NEBL: variants seen among roughly 807,000 people sequenced by gnomAD.
NEBL encodes the protein nebulette, also known as LIM and SH3 protein 2.
In NEBL, 122 loss-of-function variants were observed where a neutral mutation model predicts 140.2. That is an observed-to-expected ratio of 0.87 (90% CI 0.75 to 1.01). The LOEUF is 1.01. Among genes scored for constraint, NEBL ranks in the 50% least tolerant of loss-of-function variants. The probability of loss-of-function intolerance (pLI) is 0.00; values close to 1 mark genes in which losing one functional copy is unlikely to be tolerated. For synonymous variants in NEBL, 436 were observed against 398.9 expected (o/e 1.09, Z -1.11); for missense variants, 1,365 against 1,231.3 (o/e 1.11, Z -1.62).
intron 5 of NEBL, among the ~76,000 whole-genome samples, chr10:20,878,964 A>T (rs1428521367): frequency 6.6e-6 from 1 of 152,090 alleles, no homozygotes; most frequent in African/African-American, 2.4e-5. Flanking sequence ...CCTCCCGGGG[A>T]TCCGTGTAAC....
At chr10:20,953,998 T>A (rs1589069050) in intron 4 of NEBL, among the ~76,000 whole-genome samples, 2 of 133,694 alleles carry the variant, frequency 1.5e-5, no homozygotes, top group Non-Finnish European at 1.6e-5. Context: ...GACTGAAAAG[T>A]GGATGGGATG....
intron 1 of NEBL, among the ~76,000 whole-genome samples, chr10:21,278,791 A>G (rs1194515352): frequency 2.0e-5 from 3 of 152,104 alleles, no homozygotes; most frequent in Admixed American, 1.3e-4. Context: ...TCTGCCCCTG[A>G]GTTACATAGC....
At chr10:20,833,085 G>A (rs1227146197) in intron 14 of NEBL, among the ~76,000 whole-genome samples, 1 of 152,168 alleles carries the variant, frequency 6.6e-6, no homozygotes, top group Non-Finnish European at 1.5e-5. Context: ...ATGTAAATGT[G>A]TTCTAAAGCA....
intron 2 of NEBL, among the ~76,000 whole-genome samples, chr10:21,120,617 T>G (rs145727703): frequency 7.1e-4 from 102 of 142,822 alleles, no homozygotes; most frequent in African/African-American, 2.6e-3. Flanking sequence ...ATACCGGTTC[T>G]CTCTCCCATC....
At chr10:21,068,329 T>C (rs954917739) in intron 2 of NEBL, among the ~76,000 whole-genome samples, 2 of 152,216 alleles carry the variant, frequency 1.3e-5, no homozygotes, top group African/African-American at 2.4e-5. Context: ...ATCAACTTGA[T>C]TTCCCCTTTG....
intron 3 of NEBL, among the ~76,000 whole-genome samples, chr10:20,996,085 A>G (rs1252368076): frequency 1.3e-5 from 2 of 152,196 alleles, no homozygotes; most frequent in Non-Finnish European, 2.9e-5. Flanking sequence ...AACTCAGGCA[A>G]TACTAATGGG....
intron 3 of NEBL, among the ~76,000 whole-genome samples, chr10:21,191,584 G>A (rs1589322882): frequency 6.6e-6 from 1 of 152,180 alleles, no homozygotes; most frequent in African/African-American, 2.4e-5. Context: ...TGAGTTTGTT[G>A]TTACTTTGCT....
chr10:21,200,446 T>A (rs1007134673), intron 3 of NEBL, among the ~76,000 whole-genome samples: 13 of 150,798 alleles, frequency 8.6e-5, no homozygotes, highest in Non-Finnish European at 1.9e-4. Flanking sequence ...CCTGAGTAGC[T>A]GGGACTACAG....
At chr10:20,900,626 C>T (rs111239379), upstream of NEBL, among the ~76,000 whole-genome samples, 5,809 of 150,152 alleles carry the variant, frequency 0.039, 354 homozygotes, top group African/African-American at 0.13. Context: ...GAGTTCGAGA[C>T]CAGCCTAGGC....
At chr10:20,917,150 T>C (rs1362849063) in intron 4 of NEBL, among the ~76,000 whole-genome samples, 1 of 152,226 alleles carries the variant, frequency 6.6e-6, no homozygotes. Context: ...GGTAAGAACA[T>C]TAACTTTTTA....
intron 24 of NEBL, among the ~76,000 whole-genome samples, chr10:20,810,878 CTAAT>C (rs1838073948): frequency 6.6e-6 from 1 of 152,174 alleles, no homozygotes; most frequent in African/African-American, 2.4e-5. Flanking sequence ...CATTTAACAC[CTAAT>C]TAATTTAAGT....
chr10:20,842,419 C>T (rs1439574119), intron 12 of NEBL, among the ~76,000 whole-genome samples: 1 of 152,000 alleles, frequency 6.6e-6, no homozygotes, highest in East Asian at 1.9e-4. Flanking sequence ...TAAAATGATA[C>T]TTTGAACACT....
chr10:21,064,025 T>G (rs575611121), intron 2 of NEBL, among the ~76,000 whole-genome samples: 204 of 152,124 alleles, frequency 1.3e-3, no homozygotes, highest in African/African-American at 4.7e-3. Flanking sequence ...TGAACTGAGA[T>G]CGCGCCACTG....
At chr10:21,063,657 G>A (rs1017803229) in intron 2 of NEBL, among the ~76,000 whole-genome samples, 6 of 152,156 alleles carry the variant, frequency 3.9e-5, no homozygotes, top group Non-Finnish European at 8.8e-5. Flanking sequence ...ACTTTGGGAG[G>A]CAGAGGCAGG....
chr10:21,036,715 C>A (rs1415898585), intron 2 of NEBL, among the ~76,000 whole-genome samples: 1 of 151,964 alleles, frequency 6.6e-6, no homozygotes, highest in African/African-American at 2.4e-5. Flanking sequence ...GTTCCTCCAG[C>A]AGAAGAGGCA....
intron 20 of NEBL, 165 bp downstream of exon 20, chr10:20,819,259 T>C: frequency 8.4e-7 from 1 of 1,188,426 alleles, no homozygotes; most frequent in Non-Finnish European, 1.2e-6. Flanking sequence ...GTTATTCCCC[T>C]CTATGTGTCC....
chr10:21,188,816 C>T (rs1841523714), intron 3 of NEBL, among the ~76,000 whole-genome samples: 1 of 151,964 alleles, frequency 6.6e-6, no homozygotes, highest in South Asian at 2.1e-4. Flanking sequence ...TCTCGAACTC[C>T]TGAGCTCAGG....
chr10:21,071,236 T>C (rs1431919301), intron 2 of NEBL, among the ~76,000 whole-genome samples: 1 of 149,746 alleles, frequency 6.7e-6, no homozygotes, highest in Non-Finnish European at 1.5e-5. Context: ...ATTATTATTA[T>C]TTTTAAAAAT....
At chr10:20,930,186 A>G (rs1473943489) in intron 4 of NEBL, among the ~76,000 whole-genome samples, 1 of 152,132 alleles carries the variant, frequency 6.6e-6, no homozygotes, top group African/African-American at 2.4e-5. Flanking sequence ...TCCCTTCCCT[A>G]GTCTTCCTCA....
Sources: gnomAD v4.1 joint callset for allele counts (sites outside exome capture counted in the v4.1 genomes callset) on GRCh38, gnomAD v4.1.1 for gene constraint, MANE v1.5 for transcripts, NCBI Gene and HGNC (gene_info 2026-07-23, HGNC 2026-07-21) for gene names.